Variants in ZFHX3 observed in about 807,000 individuals in gnomAD.
ZFHX3 encodes the protein zinc finger homeobox protein 3.
Under a neutral mutation model 279.1 loss-of-function variants are expected in ZFHX3, and 42 were observed. The observed-to-expected ratio is 0.15, with a 90% confidence interval of 0.12 to 0.19. The LOEUF (loss-of-function observed/expected upper bound fraction) is 0.19, where lower values mean the gene tolerates loss of function less well. Among genes scored for constraint, ZFHX3 ranks in the 10% least tolerant of loss-of-function variants. ZFHX3 has a pLI of 1.00. For synonymous variants in ZFHX3, 2,293 were observed against 1,957.8 expected (o/e 1.17, Z -4.52); for missense variants, 4,981 against 4,754.0 (o/e 1.05, Z -1.40).
intron 2 of ZFHX3, among the ~76,000 whole-genome samples, chr16:73,606,357 G>A (rs907889037): frequency 5.9e-5 from 9 of 151,750 alleles, no homozygotes; most frequent in South Asian, 4.2e-4. Flanking sequence ...GTGGTGGTGC[G>A]CACCTGTAAT....
chr16:73,331,472 C>T (rs1395083425), intron 3 of ZFHX3, among the ~76,000 whole-genome samples: 1 of 152,184 alleles, frequency 6.6e-6, no homozygotes, highest in Non-Finnish European at 1.5e-5. Flanking sequence ...TGAGACATCC[C>T]TGGTCTTATG....
chr16:72,901,684 G>C (rs147246356), intron 3 of ZFHX3, among the ~76,000 whole-genome samples: 6 of 152,292 alleles, frequency 3.9e-5, no homozygotes, highest in Middle Eastern at 6.8e-3. Flanking sequence ...AGACTTGTCG[G>C]AGGGAAGCAA....
Position 72,819,158 on chromosome 16 carries a change from A to C in ZFHX3, c.3530-7120T>G, listed in dbSNP as rs75707067. Among the ~76,000 whole-genome samples the C allele has an allele frequency of 1.8e-4, 27 of 152,262 alleles. No individual in the cohort carries two copies. In the East Asian group the frequency reaches 5.0e-3, roughly 28 times the overall value. On this transcript the variant is annotated intron_variant, in intron 5 of 9. Coordinates refer to ENST00000268489, the MANE Select transcript of ZFHX3 (RefSeq NM_006885.4). ...AGGTGTTACTTATTAAGCAGTTTAG[A>C]TAAAGATTTCCAGGTCTTCCATCAC...
At chr16:73,750,050 G>A (rs2053747382) in intron 1 of ZFHX3, among the ~76,000 whole-genome samples, 3 of 152,230 alleles carry the variant, frequency 2.0e-5, no homozygotes, top group Admixed American at 2.0e-4. Flanking sequence ...CCATCCAATG[G>A]CTAACAATCT....
chr16:73,734,545 A>T (rs1233265365), intron 1 of ZFHX3, among the ~76,000 whole-genome samples: 1 of 152,146 alleles, frequency 6.6e-6, no homozygotes, highest in Non-Finnish European at 1.5e-5. Flanking sequence ...AGTACAATAT[A>T]AAAAAACAGA....
intron 6 of ZFHX3, among the ~76,000 whole-genome samples, chr16:73,134,996 C>G (rs1597173153): frequency 6.6e-6 from 1 of 152,038 alleles, no homozygotes. Flanking sequence ...AAAAATGTAT[C>G]TTTGTTGCAA....
intron 8 of ZFHX3, among the ~76,000 whole-genome samples, chr16:72,798,947 T>C (rs2036009985): frequency 6.6e-6 from 1 of 152,268 alleles, no homozygotes; most frequent in East Asian, 1.9e-4. Flanking sequence ...TAAAAGGAAA[T>C]ACAAAAAGTT....
intron 6 of ZFHX3, among the ~76,000 whole-genome samples, chr16:73,133,559 G>C (rs772357858): frequency 6.6e-6 from 1 of 152,178 alleles, no homozygotes; most frequent in Admixed American, 6.5e-5. Flanking sequence ...CAGACACATA[G>C]AGCAAAGACC....
intron 2 of ZFHX3, among the ~76,000 whole-genome samples, chr16:73,517,858 T>C (rs921084035): frequency 6.6e-6 from 1 of 152,160 alleles, no homozygotes; most frequent in Admixed American, 6.6e-5. Flanking sequence ...GAGTCCCAAA[T>C]GCAACCTGCA....
intron 2 of ZFHX3, among the ~76,000 whole-genome samples, chr16:73,631,478 TC>T: frequency 6.6e-6 from 1 of 152,182 alleles, no homozygotes; most frequent in Non-Finnish European, 1.5e-5. Context: ...ATCATTTCTA[TC>T]TATATATAAA....
intron 2 of ZFHX3, among the ~76,000 whole-genome samples, chr16:73,520,829 AGTT>A (rs1470304129): frequency 6.6e-6 from 1 of 152,066 alleles, no homozygotes; most frequent in East Asian, 1.9e-4. Flanking sequence ...GCCTTTGAAG[AGTT>A]TATAAAATAA....
chr16:72,967,760 CAA>C (rs1201182514), intron 1 of ZFHX3, among the ~76,000 whole-genome samples: 1,998 of 81,522 alleles, frequency 0.025, 46 homozygotes, highest in African/African-American at 0.075. Context: ...ACTAAAAATA[CAA>C]AAAAAAAAAA....
At chr16:73,790,783 A>G (rs1959801765) in intron 1 of ZFHX3, among the ~76,000 whole-genome samples, 1 of 152,232 alleles carries the variant, frequency 6.6e-6, no homozygotes, top group Non-Finnish European at 1.5e-5. Context: ...TTTGTGCACC[A>G]AAGTTGCTCA....
intron 4 of ZFHX3, among the ~76,000 whole-genome samples, chr16:72,866,073 G>C (rs1176187592): frequency 6.6e-6 from 1 of 152,096 alleles, no homozygotes; most frequent in Non-Finnish European, 1.5e-5. Flanking sequence ...AAATTGGAAG[G>C]AGGAAAAAAA....
At chr16:73,745,890 A>C (rs1274839883) in intron 1 of ZFHX3, among the ~76,000 whole-genome samples, 1 of 151,134 alleles carries the variant, frequency 6.6e-6, no homozygotes, top group Admixed American at 6.6e-5. Context: ...CCCAGATCCA[A>C]ACCAAAAATT....
intron 5 of ZFHX3, among the ~76,000 whole-genome samples, chr16:73,191,457 G>C (rs1009107719): frequency 3.9e-5 from 6 of 152,088 alleles, no homozygotes; most frequent in Admixed American, 1.3e-4. Context: ...ATGAGTCCCG[G>C]GGGTACAACA....
intron 1 of ZFHX3, among the ~76,000 whole-genome samples, chr16:73,705,721 T>C (rs2053296887): frequency 6.6e-6 from 1 of 152,104 alleles, no homozygotes; most frequent in African/African-American, 2.4e-5. Context: ...CACTCTCTTC[T>C]CTCCACTCCA....
chr16:73,196,661 G>C (rs139251579), intron 5 of ZFHX3, among the ~76,000 whole-genome samples: 196 of 152,118 alleles, frequency 1.3e-3, no homozygotes, highest in Middle Eastern at 3.4e-3. Flanking sequence ...ATGTAGCTAT[G>C]GAATGAAAAT....
At chr16:73,280,204 G>C (rs1369897425) in intron 4 of ZFHX3, among the ~76,000 whole-genome samples, 1 of 152,072 alleles carries the variant, frequency 6.6e-6, no homozygotes, top group Non-Finnish European at 1.5e-5. Context: ...CCTTGATATT[G>C]GATGTAACAC....
Sources: allele counts gnomAD v4.1 joint callset (sites outside exome capture counted in the v4.1 genomes callset), GRCh38; gene constraint gnomAD v4.1.1; transcripts MANE v1.5; gene names NCBI Gene and HGNC (gene_info 2026-07-23, HGNC 2026-07-21).